The following CHIC2 variants were observed in gnomAD, a reference collection of about 807,000 sequenced individuals.
The protein encoded by CHIC2 is cysteine-rich hydrophobic domain-containing protein 2.
Under a neutral mutation model 25.9 loss-of-function variants are expected in CHIC2, and 14 were observed. That is an observed-to-expected ratio of 0.54 (90% CI 0.36 to 0.85). CHIC2 has a LOEUF of 0.85. Ranked by LOEUF, CHIC2 falls within the 40% of genes least tolerant of loss-of-function variation. The pLI, the probability that CHIC2 is intolerant of heterozygous loss-of-function variation, is 0.01. For missense variants in CHIC2, 146 were observed against 202.0 expected (o/e 0.72, Z 1.68); for synonymous variants, 70 against 72.0 (o/e 0.97, Z 0.14).
intron 3 of CHIC2, among the ~76,000 whole-genome samples, chr4:54,022,482 TC>T (rs1159215760): frequency 5.3e-5 from 8 of 152,222 alleles, no homozygotes; most frequent in African/African-American, 1.9e-4. Flanking sequence ...CTCTTAAAAC[TC>T]CCCAACTCTG....
chr4:54,025,767 T>A (rs1446844530), intron 3 of CHIC2, among the ~76,000 whole-genome samples: 1 of 148,738 alleles, frequency 6.7e-6, no homozygotes, highest in Non-Finnish European at 1.5e-5. Context: ...GAAGCTGAGG[T>A]GGGAGGATCA....
Position 54,013,903 on chromosome 4 carries a change from A to G in CHIC2, c.388-7T>C. The G allele has an allele frequency of 6.2e-7, 1 of 1,613,140 alleles. No individual in the cohort carries two copies. Among genetic ancestry groups the G allele is most frequent in the Non-Finnish European group, 8.5e-7 (1 of 1,179,366 alleles). On this transcript the variant is annotated splice_polypyrimidine_tract_variant and splice_region_variant and intron_variant, in intron 4 of 5. Coordinates refer to ENST00000263921, the MANE Select transcript of CHIC2 (RefSeq NM_012110.4). ...GTCTCCAATGCAAGCACAGCTAGAC[A>G]AGTAGGAAAGTAAAAGAAGAAAAAT... is the stretch of plus-strand genomic sequence containing the variant.
upstream of CHIC2, among the ~76,000 whole-genome samples, chr4:54,066,567 C>T (rs779725810): frequency 1.3e-5 from 2 of 150,974 alleles, no homozygotes; most frequent in Admixed American, 6.6e-5. Flanking sequence ...GGCCATGTGA[C>T]GATTTAAGAT....
At chr4:54,043,624 G>A (rs1716668156) in intron 3 of CHIC2, among the ~76,000 whole-genome samples, 1 of 151,978 alleles carries the variant, frequency 6.6e-6, no homozygotes, top group African/African-American at 2.4e-5. Flanking sequence ...GTCAGCACCA[G>A]GCCTGCCCTA....
the CHIC2 span, among the ~76,000 whole-genome samples, chr4:54,091,183 G>A: frequency 6.6e-6 from 1 of 152,072 alleles, no homozygotes; most frequent in Non-Finnish European, 1.5e-5. Flanking sequence ...CTTCTACATG[G>A]GGAGACAGCG....
At chr4:54,015,164 A>G (rs1715700899) in intron 3 of CHIC2, among the ~76,000 whole-genome samples, 1 of 152,186 alleles carries the variant, frequency 6.6e-6, no homozygotes, top group Non-Finnish European at 1.5e-5. Context: ...CATGCTAAAG[A>G]CACACCAAAG....
the CHIC2 span, among the ~76,000 whole-genome samples, chr4:54,078,095 T>C: frequency 6.6e-6 from 1 of 152,244 alleles, no homozygotes; most frequent in African/African-American, 2.4e-5. Flanking sequence ...GTAATGTGTC[T>C]CACATGTGGG....
At chr4:54,031,611 CTTTT>C (rs1037563282) in intron 3 of CHIC2, among the ~76,000 whole-genome samples, 9 of 103,436 alleles carry the variant, frequency 8.7e-5, no homozygotes, top group African/African-American at 3.5e-4. Context: ...GATGTACTTG[CTTTT>C]TTTTTTTTTT....
chr4:54,085,854 A>G, the CHIC2 span, among the ~76,000 whole-genome samples: 4 of 152,178 alleles, frequency 2.6e-5, no homozygotes, highest in Admixed American at 6.5e-5. Context: ...CTCCCACCAA[A>G]AACAAAATGA....
the CHIC2 span, among the ~76,000 whole-genome samples, chr4:54,073,237 T>C: frequency 2.0e-5 from 3 of 152,274 alleles, no homozygotes; most frequent in Admixed American, 1.3e-4. Context: ...TTCTTAACAT[T>C]TGGGGCTCTG....
At chr4:54,021,175 T>C (rs959306460) in intron 3 of CHIC2, among the ~76,000 whole-genome samples, 2 of 152,168 alleles carry the variant, frequency 1.3e-5, no homozygotes, top group East Asian at 1.9e-4. Flanking sequence ...GCAATACCGC[T>C]TGACCCCAAT....
At chr4:54,024,449 T>TACCTCTCC (rs1385408712) in intron 3 of CHIC2, among the ~76,000 whole-genome samples, 1 of 152,182 alleles carries the variant, frequency 6.6e-6, no homozygotes, top group East Asian at 1.9e-4. Flanking sequence ...TGCCACCCAC[T>TACCTCTCC]ACCTCTCCCC....
intron 3 of CHIC2, among the ~76,000 whole-genome samples, chr4:54,033,142 G>A (rs957241901): frequency 1.3e-5 from 2 of 152,142 alleles, no homozygotes; most frequent in African/African-American, 4.8e-5. Context: ...GTAGAACCAT[G>A]AGCCAATTAA....
chr4:54,049,171 T>G, intron 2 of CHIC2, 61 bp from the exon 3 acceptor site: 2 of 1,568,178 alleles, frequency 1.3e-6, no homozygotes, highest in South Asian at 1.2e-5. Context: ...ACATGACTGA[T>G]GAGCATACTT....
intron 3 of CHIC2, among the ~76,000 whole-genome samples, chr4:54,048,231 C>G (rs1000648628): frequency 6.6e-6 from 1 of 152,174 alleles, no homozygotes; most frequent in African/African-American, 2.4e-5. Flanking sequence ...CTCAAGTGAT[C>G]CGCCCGCCTT....
chr4:54,044,097 G>C (rs894386502), intron 3 of CHIC2, among the ~76,000 whole-genome samples: 3 of 152,150 alleles, frequency 2.0e-5, no homozygotes, highest in Admixed American at 6.5e-5. Flanking sequence ...TCAACAAGAA[G>C]AACTAACTAT....
the CHIC2 span, among the ~76,000 whole-genome samples, chr4:54,082,762 A>G: frequency 6.6e-6 from 1 of 152,192 alleles, no homozygotes; most frequent in Non-Finnish European, 1.5e-5. Context: ...AGACTCACCA[A>G]AAGATTATAC....
At chr4:54,059,893 G>A (rs1560399066) in intron 1 of CHIC2, 2 of 152,162 alleles carry the variant, frequency 1.3e-5, no homozygotes, top group South Asian at 2.1e-4. Context: ...ATAGCCTGTG[G>A]AGATACATCA....
At chr4:54,030,563 C>CACACACAT (rs1401523539) in intron 3 of CHIC2, among the ~76,000 whole-genome samples, 20 of 146,126 alleles carry the variant, frequency 1.4e-4, no homozygotes, top group African/African-American at 3.5e-4. Flanking sequence ...TATACACACA[C>CACACACAT]ACACACACAC....
Sources: allele counts gnomAD v4.1 joint callset (sites outside exome capture counted in the v4.1 genomes callset), GRCh38; gene constraint gnomAD v4.1.1; transcripts MANE v1.5; gene names NCBI Gene and HGNC (gene_info 2026-07-23, HGNC 2026-07-21).